KIRREL3: variants seen among roughly 807,000 people sequenced by gnomAD.
The protein encoded by KIRREL3 is kin of IRRE-like protein 3.
Under a neutral mutation model 89.7 loss-of-function variants are expected in KIRREL3, and 36 were observed. The ratio of observed to expected loss-of-function variants is 0.40; its 90% CI spans 0.31 to 0.53. KIRREL3 has a LOEUF of 0.53. Among genes scored for constraint, KIRREL3 ranks in the 20% least tolerant of loss-of-function variants. The probability of loss-of-function intolerance (pLI) is 0.49; values close to 1 mark genes in which losing one functional copy is unlikely to be tolerated. For synonymous variants in KIRREL3, 445 were observed against 441.4 expected, an observed-to-expected ratio of 1.01 and a Z score of -0.10; for missense variants, 864 against 1,056.6, an observed-to-expected ratio of 0.82 and a Z score of 2.53.
chr11:126,731,190 C>T (rs1948603927), intron 1 of KIRREL3, among the ~76,000 whole-genome samples: 1 of 152,208 alleles, frequency 6.6e-6, no homozygotes, highest in Non-Finnish European at 1.5e-5. Flanking sequence ...TACAAAGCTC[C>T]CTATGATCTG....
Position 126,719,703 on chromosome 11 carries a change from TC to T in KIRREL3, c.56-156792del, listed in dbSNP as rs761183595. ...TCTAAGGCCACAACCTTAGAAGTCA[TC>T]CCTGATGCCTTTCTCTAATACTTTA... On this transcript the variant is annotated intron_variant, in intron 1 of 16. Coordinates refer to ENST00000525144, the MANE Select transcript of KIRREL3 (RefSeq NM_032531.4). The surrounding 1 kb of genome is among the most constrained non-coding windows in gnomAD (Gnocchi z 4.7). Among the ~76,000 whole-genome samples the T allele has an allele frequency of 1.7e-4, 26 of 152,316 alleles. No individual in the cohort carries two copies. The highest frequency in any genetic ancestry group is 7.8e-4 in the Admixed American group (12 of 15,302).
intron 1 of KIRREL3, among the ~76,000 whole-genome samples, chr11:126,721,845 A>G (rs919855620): frequency 6.6e-6 from 1 of 152,202 alleles, no homozygotes; most frequent in Non-Finnish European, 1.5e-5. Flanking sequence ...GGTCACCAGC[A>G]CGGTCCCTGA....
intron 1 of KIRREL3, among the ~76,000 whole-genome samples, chr11:126,857,789 G>GC (rs1555062437): frequency 1.6e-5 from 1 of 61,144 alleles, no homozygotes; most frequent in Non-Finnish European, 3.4e-5. Context: ...CTGTGGGGGT[G>GC]GGGTGGGTGA....
At chr11:126,556,620 C>A (rs1230117125) in intron 2 of KIRREL3, among the ~76,000 whole-genome samples, 1 of 151,992 alleles carries the variant, frequency 6.6e-6, no homozygotes, top group African/African-American at 2.4e-5. Context: ...CAGAATGAAA[C>A]CTTGTTTTGG....
chr11:126,832,540 T>A (rs1943643370), intron 1 of KIRREL3, among the ~76,000 whole-genome samples: 1 of 152,182 alleles, frequency 6.6e-6, no homozygotes. Context: ...TCCTTGCATG[T>A]TCAAAACCAC....
rs1013406890 is a variant in KIRREL3, at chr11:126,628,272, G to A, written c.56-65360C>T. Among the ~76,000 whole-genome samples, 3 of 152,118 alleles carry A rather than the reference G, an allele frequency of 2.0e-5. No homozygotes were observed. Among genetic ancestry groups the A allele is most frequent in the Non-Finnish European group, 4.4e-5 (3 of 68,018 alleles). On this transcript the variant is annotated intron_variant, in intron 1 of 16. Coordinates refer to ENST00000525144, the MANE Select transcript of KIRREL3 (RefSeq NM_032531.4). The surrounding 1 kb of genome is among the most constrained non-coding windows in gnomAD (Gnocchi z 5.2). Reference sequence around the variant, plus strand: ...TGTCAGACTCTTTCTCTCCAGCCTGGCCTCGCCTTCTCTGTGAGAAGGAAA... The same window carrying A: ...TGTCAGACTCTTTCTCTCCAGCCTGACCTCGCCTTCTCTGTGAGAAGGAAA...
In KIRREL3 at chr11:126,425,731, C is replaced by T; in HGVS notation, c.1807-7G>A. 1 of 1,589,192 alleles carries T rather than the reference C, an allele frequency of 6.3e-7. No homozygotes were observed. Among genetic ancestry groups the T allele is most frequent in the Non-Finnish European group, 8.6e-7 (1 of 1,166,714 alleles). On this transcript the variant is annotated splice_region_variant and splice_polypyrimidine_tract_variant and intron_variant, in intron 15 of 16. Coordinates refer to ENST00000525144, the MANE Select transcript of KIRREL3 (RefSeq NM_032531.4). ...GGAATTCACCCCGGTCCATCTGCAACCCAAAAAAGGCTGCTCAGTAGATAG... is the reference window on the plus strand; with the variant it reads ...GGAATTCACCCCGGTCCATCTGCAATCCAAAAAAGGCTGCTCAGTAGATAG...
rs546023752 is a variant in KIRREL3, at chr11:126,561,573, G to A, written c.133+1262C>T. On this transcript the variant is annotated intron_variant, in intron 2 of 16. Transcript: ENST00000525144. The surrounding 1 kb of genome is among the most constrained non-coding windows in gnomAD (Gnocchi z 4.5). ...AGTGGTGTTGGGGAGGGAAGGGGAGGCTGAGAAAGAGAAAAGTCAGTAAAG... is the reference window on the plus strand; with the variant it reads ...AGTGGTGTTGGGGAGGGAAGGGGAGACTGAGAAAGAGAAAAGTCAGTAAAG... Among the ~76,000 whole-genome samples, 2 of 152,328 alleles carry A rather than the reference G, an allele frequency of 1.3e-5. No homozygotes were observed. Among genetic ancestry groups the A allele is most frequent in the South Asian group, 2.1e-4 (1 of 4,828 alleles).
intron 1 of KIRREL3, among the ~76,000 whole-genome samples, chr11:126,760,340 G>C (rs1013835972): frequency 2.6e-5 from 4 of 152,200 alleles, no homozygotes; most frequent in African/African-American, 9.7e-5. Context: ...AGAACTCATA[G>C]AGAGAGGAGC....
intron 1 of KIRREL3, among the ~76,000 whole-genome samples, chr11:126,865,435 A>G (rs1944887417): frequency 6.6e-6 from 1 of 152,216 alleles, no homozygotes; most frequent in African/African-American, 2.4e-5. Flanking sequence ...TGGGATTAGT[A>G]GATACTTTGG....
At chr11:126,457,422 T>C (rs188684816) in intron 6 of KIRREL3, among the ~76,000 whole-genome samples, 6 of 152,028 alleles carry the variant, frequency 3.9e-5, no homozygotes, top group African/African-American at 1.4e-4. Context: ...TGTGTATGTG[T>C]GTCTATGCGT....
At position 126,513,589 on chromosome 11, in the gene KIRREL3, G is replaced by A. The variant is rs1014994744; in HGVS notation, c.433+7726C>T. 6.6e-6 allele frequency among the ~76,000 whole-genome samples: 1 copy of A among 152,188 alleles called. No individual in the cohort carries two copies. Among genetic ancestry groups the A allele is most frequent in the Admixed American group, 6.5e-5 (1 of 15,288 alleles). On this transcript the variant is annotated intron_variant, in intron 4 of 16. Coordinates refer to ENST00000525144, the MANE Select transcript of KIRREL3 (RefSeq NM_032531.4). This position sits in a 1 kb window ranked among gnomAD's most constrained non-coding sequence, Gnocchi z 5.9. ...GCCCCCACCTCATTTCCCAACATGA[G>A]GGACGACCCCAGGCTGGGGGAGAGT... is the stretch of plus-strand genomic sequence containing the variant.
At chr11:126,973,100 GAAAAAA>G (rs11449960) in intron 1 of KIRREL3, among the ~76,000 whole-genome samples, 2 of 119,636 alleles carry the variant, frequency 1.7e-5, no homozygotes, top group Non-Finnish European at 1.6e-5. Flanking sequence ...AAGTTTTGAG[GAAAAAA>G]AAAAAAAAAA....
chr11:126,499,303 C>T (rs1957778323), intron 4 of KIRREL3, among the ~76,000 whole-genome samples: 1 of 152,140 alleles, frequency 6.6e-6, no homozygotes, highest in Non-Finnish European at 1.5e-5. Flanking sequence ...TTTAGTGCCT[C>T]CTGCCTCGGG....
In KIRREL3 at chr11:126,696,324, T is replaced by A. The variant is rs747933070; in HGVS notation, c.56-133412A>T. ...TTATTGCTTAATTAACCCTTCTCCC[T>A]TTCTTTGACCCTTCTCCTCCTTGGT... On this transcript the variant is annotated intron_variant, in intron 1 of 16. Coordinates refer to ENST00000525144, the MANE Select transcript of KIRREL3 (RefSeq NM_032531.4). The surrounding 1 kb of genome is among the most constrained non-coding windows in gnomAD (Gnocchi z 4.4). 2.0e-4 allele frequency among the ~76,000 whole-genome samples: 31 copies of A among 151,888 alleles called. No individual in the cohort carries two copies. The highest frequency in any genetic ancestry group is 4.0e-4 in the Non-Finnish European group (27 of 68,006).
chr11:126,456,134 A>G (rs1226925346), intron 7 of KIRREL3, among the ~76,000 whole-genome samples: 3 of 138,572 alleles, frequency 2.2e-5, no homozygotes, highest in Non-Finnish European at 4.5e-5. Context: ...TGCTTCCTCC[A>G]GTGGAAGAGG....
In KIRREL3 at chr11:126,917,040, A is replaced by G. The variant is rs1284160223; in HGVS notation, c.55+83415T>C. 1.3e-5 allele frequency among the ~76,000 whole-genome samples: 2 copies of G among 152,250 alleles called. No individual in the cohort carries two copies. The highest frequency in any genetic ancestry group is 4.8e-5 in the African/African-American group (2 of 41,466). On this transcript the variant is annotated intron_variant, in intron 1 of 16. Coordinates refer to ENST00000525144, the MANE Select transcript of KIRREL3 (RefSeq NM_032531.4). The surrounding 1 kb of genome is among the most constrained non-coding windows in gnomAD (Gnocchi z 5.0). ...GCAGCAGTATTCATAATAACCAAAA[A>G]GTAGAAGTCACCCACGTGTCTAACA...
chr11:126,954,355 G>A lies in KIRREL3; in HGVS notation c.55+46100C>T, dbSNP rs1033049704. On this transcript the variant is annotated intron_variant, in intron 1 of 16. Transcript: ENST00000525144. The surrounding 1 kb of genome is among the most constrained non-coding windows in gnomAD (Gnocchi z 4.1). ...AGACTTATTTTGTGCTATTATAGCC[G>A]ATTGATTATTTATCACTTCAATGAA... Among the ~76,000 whole-genome samples, 5 of 151,758 alleles carry A rather than the reference G, an allele frequency of 3.3e-5. No individual in the cohort carries two copies. Among genetic ancestry groups the A allele is most frequent in the Non-Finnish European group, 7.4e-5 (5 of 67,986 alleles).
chr11:126,817,364 CA>C lies in KIRREL3; in HGVS notation c.55+183090del, dbSNP rs1951608121. 6.6e-6 allele frequency among the ~76,000 whole-genome samples: 1 copy of C among 152,162 alleles called. No homozygotes were observed. The highest frequency in any genetic ancestry group is 1.5e-5 in the Non-Finnish European group (1 of 68,030). ...GGTGGTGATGATGACAGCCAGTCAA[CA>C]GAAGCTGATGGTGACTTAGCTGGCA... On this transcript the variant is annotated intron_variant, in intron 1 of 16. Transcript: ENST00000525144. This position sits in a 1 kb window ranked among gnomAD's most constrained non-coding sequence, Gnocchi z 5.7.
Sources: allele counts gnomAD v4.1 joint callset (sites outside exome capture counted in the v4.1 genomes callset), GRCh38; gene constraint gnomAD v4.1.1; non-coding constraint Gnocchi (gnomAD v3.1); transcripts MANE v1.5; gene names NCBI Gene and HGNC (gene_info 2026-07-23, HGNC 2026-07-21).